The following RBFOX1 variants were observed in gnomAD, a reference collection of about 807,000 sequenced individuals.
RBFOX1 encodes RNA binding protein fox-1 homolog 1.
Under a neutral mutation model 57.7 loss-of-function variants are expected in RBFOX1, and 8 were observed. The observed-to-expected ratio is 0.14, with a 90% CI of 0.08 to 0.25. RBFOX1 has a LOEUF of 0.25. Among genes scored for constraint, RBFOX1 ranks in the 10% least tolerant of loss-of-function variants. The pLI, the probability that RBFOX1 is intolerant of heterozygous loss-of-function variation, is 1.00. For synonymous variants in RBFOX1, 326 were observed against 222.4 expected (o/e 1.47, Z -4.15); for missense variants, 611 against 548.5 (o/e 1.11, Z -1.14).
At chr16:7,387,391 G>A (rs1461148304) in intron 4 of RBFOX1, among the ~76,000 whole-genome samples, 1 of 152,162 alleles carries the variant, frequency 6.6e-6, no homozygotes, top group African/African-American at 2.4e-5. Flanking sequence ...TCTAAGTCCA[G>A]AATTGAGGCC....
intron 4 of RBFOX1, among the ~76,000 whole-genome samples, chr16:5,930,646 G>C (rs143912215): frequency 0.011 from 1,185 of 112,468 alleles, 12 homozygotes; most frequent in Middle Eastern, 0.024. Flanking sequence ...GCATGGTTGG[G>C]TAGGTGGGAG....
intron 3 of RBFOX1, among the ~76,000 whole-genome samples, chr16:5,815,180 G>A (rs1474071900): frequency 3.5e-5 from 3 of 86,284 alleles, no homozygotes; most frequent in African/African-American, 1.5e-4. Flanking sequence ...TTTTTTTGTA[G>A]AGACAGTCTC....
chr16:6,141,227 C>T (rs1215381343), intron 1 of RBFOX1, among the ~76,000 whole-genome samples: 2 of 152,202 alleles, frequency 1.3e-5, no homozygotes, highest in African/African-American at 4.8e-5. Flanking sequence ...ATGTCAGCCT[C>T]TTTTCTCAGT....
At chr16:7,055,920 G>A (rs749591244) in intron 4 of RBFOX1, among the ~76,000 whole-genome samples, 6 of 152,080 alleles carry the variant, frequency 3.9e-5, no homozygotes, top group Non-Finnish European at 7.4e-5. Context: ...TGTGAATTCT[G>A]GTTTGTGGAA....
intron 4 of RBFOX1, among the ~76,000 whole-genome samples, chr16:7,466,444 G>C (rs1404187533): frequency 1.3e-5 from 2 of 152,166 alleles, no homozygotes; most frequent in South Asian, 2.1e-4. Context: ...GATAAGAAAA[G>C]AGGGGCTTAG....
At chr16:5,809,060 C>T (rs141106038) in intron 3 of RBFOX1, among the ~76,000 whole-genome samples, 1 of 152,136 alleles carries the variant, frequency 6.6e-6, no homozygotes, top group Non-Finnish European at 1.5e-5. Context: ...CTGAGAAAAA[C>T]AAGCAATGGG....
intron 4 of RBFOX1, among the ~76,000 whole-genome samples, chr16:7,099,802 G>A (rs1187327887): frequency 6.6e-6 from 1 of 152,196 alleles, no homozygotes; most frequent in Non-Finnish European, 1.5e-5. Flanking sequence ...GTTACCGGGA[G>A]AAAAGAATGT....
At chr16:5,523,632 C>G (rs531850699) in intron 2 of RBFOX1, among the ~76,000 whole-genome samples, 1 of 152,158 alleles carries the variant, frequency 6.6e-6, no homozygotes, top group South Asian at 2.1e-4. Context: ...AACAAACAAA[C>G]AAACAAACAA....
intron 5 of RBFOX1, among the ~76,000 whole-genome samples, chr16:7,571,311 CAG>C (rs1378001233): frequency 3.3e-5 from 5 of 152,076 alleles, no homozygotes; most frequent in African/African-American, 1.2e-4. Context: ...TAGGGTCAGA[CAG>C]AGGAAACCCC....
At chr16:6,107,565 A>G (rs1314581833) in intron 1 of RBFOX1, among the ~76,000 whole-genome samples, 1 of 152,112 alleles carries the variant, frequency 6.6e-6, no homozygotes, top group Non-Finnish European at 1.5e-5. Context: ...TTAGTTCAAG[A>G]TGCTTTCAGT....
At position 6,840,384 on chromosome 16, in the gene RBFOX1, T is replaced by C. The variant is rs181665025; in HGVS notation, c.-16+185734T>C. 3.0e-3 allele frequency among the ~76,000 whole-genome samples: 455 copies of C among 152,312 alleles called. 4 individuals are homozygous for C. Among genetic ancestry groups the C allele is most frequent in the African/African-American group, 0.01 (432 of 41,564 alleles). On this transcript the variant is annotated intron_variant, in intron 3 of 15. Transcript: ENST00000550418. ...CTGTATTTCAGGATTCCTGCGTTGG[T>C]TCCTCCATTCCTTCATTAAATGTTG...
chr16:6,295,197 T>C (rs2077965901), intron 1 of RBFOX1, among the ~76,000 whole-genome samples: 2 of 148,586 alleles, frequency 1.3e-5, no homozygotes, highest in South Asian at 4.4e-4. Context: ...GATCTCAGCT[T>C]ACTGCAAACT....
chr16:5,563,548 A>G (rs1382034811), intron 2 of RBFOX1, among the ~76,000 whole-genome samples: 2 of 152,224 alleles, frequency 1.3e-5, no homozygotes, highest in East Asian at 3.9e-4. Flanking sequence ...TTTACAGTTA[A>G]CGCACCTTGG....
intron 2 of RBFOX1, among the ~76,000 whole-genome samples, chr16:5,468,434 G>A (rs2069022304): frequency 6.6e-6 from 1 of 152,066 alleles, no homozygotes; most frequent in African/African-American, 2.4e-5. Flanking sequence ...TCACATAAGT[G>A]GAATCATATA....
intron 3 of RBFOX1, among the ~76,000 whole-genome samples, chr16:5,692,198 T>A (rs2050707979): frequency 6.8e-6 from 1 of 146,558 alleles, no homozygotes; most frequent in Admixed American, 6.7e-5. Flanking sequence ...TGTGTGTGTG[T>A]GTGTGTGTGT....
At chr16:6,266,569 T>G (rs2074521528) in intron 1 of RBFOX1, among the ~76,000 whole-genome samples, 1 of 151,742 alleles carries the variant, frequency 6.6e-6, no homozygotes, top group Non-Finnish European at 1.5e-5. Context: ...CAAAAATCAG[T>G]CAGTCATGGT....
At chr16:6,969,581 A>G (rs770074566) in intron 3 of RBFOX1, among the ~76,000 whole-genome samples, 1 of 150,762 alleles carries the variant, frequency 6.6e-6, no homozygotes, top group Non-Finnish European at 1.5e-5. Context: ...CAAAAAATAA[A>G]AATAAAAAAA....
At chr16:6,336,202 T>A (rs1370758075) in intron 2 of RBFOX1, among the ~76,000 whole-genome samples, 11 of 87,218 alleles carry the variant, frequency 1.3e-4, no homozygotes, top group African/African-American at 4.1e-4. Context: ...TTTTTTTTTT[T>A]TTTTTTTTTT....
chr16:7,242,861 G>T (rs1011359916), intron 4 of RBFOX1, among the ~76,000 whole-genome samples: 2 of 152,188 alleles, frequency 1.3e-5, no homozygotes, highest in South Asian at 2.1e-4. Context: ...TGGTGAGAGA[G>T]ATATGGAGTC....
Sources: gnomAD v4.1 joint callset for allele counts (sites outside exome capture counted in the v4.1 genomes callset) on GRCh38, gnomAD v4.1.1 for gene constraint, MANE v1.5 for transcripts, NCBI Gene and HGNC (gene_info 2026-07-23, HGNC 2026-07-21) for gene names.